The following YLPM1 variants were observed in gnomAD, a reference collection of about 807,000 sequenced individuals.
The protein encoded by YLPM1 is YLP motif containing 1.
A neutral mutation model predicts 230.0 loss-of-function variants in YLPM1; 99 were observed. The observed-to-expected ratio is 0.43, with a 90% CI of 0.37 to 0.51. The LOEUF is 0.51. Ranked by LOEUF, YLPM1 falls within the 20% of genes least tolerant of loss-of-function variation. The pLI, the probability that YLPM1 is intolerant of heterozygous loss-of-function variation, is 0.00. For synonymous variants in YLPM1, 984 were observed against 942.5 expected (o/e 1.04, Z -0.81); for missense variants, 2,592 against 2,707.7 (o/e 0.96, Z 0.95).
chr14:74,822,371 TTAGGTG>T (rs1211912629), intron 17 of YLPM1, among the ~76,000 whole-genome samples: 1 of 152,142 alleles, frequency 6.6e-6, no homozygotes, highest in Non-Finnish European at 1.5e-5. Context: ...TCTGACTTGC[TTAGGTG>T]TAGGTCAAAA....
In YLPM1 at chr14:74,799,475, G is replaced by C; in HGVS notation, c.4178G>C (p.Arg1393Thr). ...WREKRDYVPD[R>T]MDWERERLSD... ...GAAAAGCGAGATTATGTTCCTGACA[G>C]AATGGACTGGGAAAGAGAACGGTTG... Residue 1393 changes from arginine to threonine, a missense_variant, in exon 5 of 21, where the codon AGA becomes ACA. Physicochemically the swap from Arg to Thr is moderately conservative, Grantham distance 71. Around this residue, in one of 4 missense-constraint regions of YLPM1, gnomAD observed 1,862 missense variants for 1,819.8 expected, o/e 1.02. Transcript: ENST00000325680. The C allele has an allele frequency of 6.2e-7, 1 of 1,614,016 alleles. No homozygotes were observed. The highest frequency in any genetic ancestry group is 8.5e-7 in the Non-Finnish European group (1 of 1,179,890).
Position 74,782,014 on chromosome 14 carries a change from A to G in YLPM1, c.1971A>G (p.Ser657=), listed in dbSNP as rs1482014225. The G allele has an allele frequency of 1.2e-6, 2 of 1,613,776 alleles. No homozygotes were observed. The highest frequency in any genetic ancestry group is 1.1e-5 in the South Asian group (1 of 91,080). The change falls in exon 4 of 21, where the codon TCA becomes TCG. Residue 657 remains serine (S), a synonymous_variant. Coordinates refer to ENST00000325680, the MANE Select transcript of YLPM1 (RefSeq NM_019589.3). ...CCCCAGTTCCACCAGCCTCCAGTTC[A>G]CAGAGCTCGCAAGTTCCAGAGAAAC... The part of the protein sequence containing the change: ...TAAPVPPASS[S]QSSQVPEKPR...
chr14:74,764,265 C>G lies in YLPM1; in HGVS notation c.776C>G (p.Thr259Ser). The G allele has an allele frequency of 1.2e-6, 2 of 1,613,922 alleles. No homozygotes were observed. The highest frequency in any genetic ancestry group is 1.7e-6 in the Non-Finnish European group (2 of 1,179,882). ...PPSAPPGNKTTVQQEPLESGA... is the reference protein window; with the variant it reads ...PPSAPPGNKTSVQQEPLESGA... ...TCCGCCCCCCCTGGAAATAAGACAA[C>G]TGTCCAGCAAGAGCCTTTGGAGAGT... The change falls in exon 1 of 21, where the codon ACT (threonine) becomes AGT (serine). Residue 259 changes from threonine (T) to serine (S), a missense_variant. By Grantham distance (58) the Thr-to-Ser change is moderately conservative. This residue lies in a region of YLPM1 where 1,862 missense variants were observed against 1,819.8 expected (regional missense o/e 1.02). Coordinates refer to ENST00000325680, the MANE Select transcript of YLPM1 (RefSeq NM_019589.3).
chr14:74,766,492 A>G (rs1831225582), intron 1 of YLPM1, among the ~76,000 whole-genome samples: 1 of 152,018 alleles, frequency 6.6e-6, no homozygotes, highest in Non-Finnish European at 1.5e-5. Context: ...TGTTGCATAT[A>G]TATATATTGA....
chr14:74,764,377 G>T lies in YLPM1; in HGVS notation c.873+15G>T. 6.3e-7 allele frequency: 1 copy of T among 1,582,360 alleles called. No homozygotes were observed. The highest frequency in any genetic ancestry group is 8.6e-7 in the Non-Finnish European group (1 of 1,161,842). ...TGACTCCACAGGTAAGAAAGCATCT[G>T]CCTGAACCTCATCTTTCACCTAGAG... On this transcript the variant is annotated intron_variant, in intron 1 of 20. Transcript: ENST00000325680.
intron 11 of YLPM1, among the ~76,000 whole-genome samples, chr14:74,813,586 ATTGT>A (rs2091453463): frequency 6.6e-6 from 1 of 152,022 alleles, no homozygotes; most frequent in Admixed American, 6.6e-5. Context: ...TTTTGATTGG[ATTGT>A]TTAATACATT....
chr14:74,830,590 G>A (rs934379450), intron 19 of YLPM1, among the ~76,000 whole-genome samples: 10 of 152,130 alleles, frequency 6.6e-5, no homozygotes, highest in Non-Finnish European at 1.5e-4. Context: ...AAAGGAATAC[G>A]TGAGATTGGG....
chr14:74,817,862 C>G (rs1378048569), intron 15 of YLPM1, among the ~76,000 whole-genome samples: 1 of 151,794 alleles, frequency 6.6e-6, no homozygotes, highest in Non-Finnish European at 1.5e-5. Context: ...TGAGACCAAC[C>G]TGGGCAACAT....
intron 1 of YLPM1, among the ~76,000 whole-genome samples, chr14:74,773,921 G>T (rs1211299169): frequency 6.6e-6 from 1 of 151,692 alleles, no homozygotes. Flanking sequence ...AGGTTTCACC[G>T]TGTTGGCCAG....
At chr14:74,817,652 C>G (rs1294371715) in intron 15 of YLPM1, among the ~76,000 whole-genome samples, 1 of 152,158 alleles carries the variant, frequency 6.6e-6, no homozygotes, top group African/African-American at 2.4e-5. Context: ...TGTATCAGCA[C>G]TCTTGTCTGG....
At chr14:74,783,481 A>G (rs1020306929) in intron 4 of YLPM1, among the ~76,000 whole-genome samples, 4 of 152,214 alleles carry the variant, frequency 2.6e-5, no homozygotes, top group African/African-American at 9.7e-5. Flanking sequence ...AAAAGTGTAG[A>G]AAAAAGTGAA....
chr14:74,836,023 C>G lies in YLPM1; in HGVS notation c.*285C>G. On this transcript the variant is annotated 3_prime_UTR_variant, in exon 21 of 21. Transcript: ENST00000325680. ...CCAGGCGGGGGTCTGCTGGAGGATT[C>G]CAACAGAGAGTATTTCCTCCACTGT... is the stretch of plus-strand genomic sequence containing the variant. 2 of 393,258 alleles carry G rather than the reference C, an allele frequency of 5.1e-6. No homozygotes were observed. Among genetic ancestry groups the G allele is most frequent in the Admixed American group, 6.4e-5 (2 of 31,198 alleles). 24.4% of individuals were successfully genotyped at this position (393,258 alleles called of 1,614,324 possible). A position where few individuals can be genotyped will look rare whatever the true frequency, so the allele number is the denominator to read the frequency against.
rs139034287 is a variant in YLPM1, at chr14:74,776,682, A to T, written c.874-1765A>T. Among the ~76,000 whole-genome samples the T allele has an allele frequency of 2.4e-4, 37 of 152,328 alleles. No individual in the cohort carries two copies. The East Asian group carries it at 6.9e-3, about 29-fold the overall frequency. ...CTTCATCTCGGCTGGGAATGCACAC[A>T]TGAGTCAGGGGACTCATGTTTTTCA... On this transcript the variant is annotated intron_variant, in intron 1 of 20. Transcript: ENST00000325680.
At chr14:74,817,340 A>C in intron 15 of YLPM1, 63 bp downstream of exon 15, 1 of 1,433,592 alleles carries the variant, frequency 7.0e-7, no homozygotes, top group Non-Finnish European at 9.5e-7. Context: ...TGTTTTGGTT[A>C]AGGAAGGACT....
intron 6 of YLPM1, among the ~76,000 whole-genome samples, chr14:74,805,095 C>G (rs1465966344): frequency 1.3e-5 from 2 of 151,302 alleles, no homozygotes; most frequent in African/African-American, 2.4e-5. Flanking sequence ...TTTCAGCTCA[C>G]CGAAACCTCC....
In YLPM1 at chr14:74,810,394, C is replaced by G; in HGVS notation, c.5202C>G (p.Asp1734Glu). The G allele has an allele frequency of 6.4e-7, 1 of 1,568,030 alleles. No homozygotes were observed. The highest frequency in any genetic ancestry group is 8.7e-7 in the Non-Finnish European group (1 of 1,153,818). ...TTGACTATGACCGGGATCGATTTGA[C>G]AGAGAACGCCGACCCCGAGATGATA... is the stretch of plus-strand genomic sequence containing the variant. Reference protein sequence around the residue: ...GVIDYDRDRFDRERRPRDDRA... With the variant: ...GVIDYDRDRFERERRPRDDRA... Residue 1734 changes from aspartate (D) to glutamate (E), a missense_variant, in exon 9 of 21, where the codon GAC becomes GAG. Asp to Glu is a conservative substitution (Grantham distance 45). This residue lies in a region of YLPM1 where 403 missense variants were observed against 426.7 expected (regional missense o/e 0.94). Coordinates refer to ENST00000325680, the MANE Select transcript of YLPM1 (RefSeq NM_019589.3).
intron 4 of YLPM1, among the ~76,000 whole-genome samples, chr14:74,792,140 C>T (rs1280902792): frequency 1.3e-5 from 2 of 151,988 alleles, no homozygotes; most frequent in East Asian, 3.8e-4. Context: ...TTTTTTCCTT[C>T]TGTAAATATA....
Position 74,763,366 on chromosome 14 carries a change from G to A in YLPM1, c.-124G>A. ...GAGCGCCGGCGCACTGGCGCGCTCC[G>A]TTTACACGCTCCGGGGCCTGTAGGC... On this transcript the variant is annotated 5_prime_UTR_variant, in exon 1 of 21. Coordinates refer to ENST00000325680, the MANE Select transcript of YLPM1 (RefSeq NM_019589.3). 1 of 1,236,666 alleles carries A rather than the reference G, an allele frequency of 8.1e-7. No homozygotes were observed. The highest frequency in any genetic ancestry group is 1.0e-6 in the Non-Finnish European group (1 of 955,236). 76.6% of individuals were successfully genotyped at this position (1,236,666 alleles called of 1,614,324 possible). A position where few individuals can be genotyped will look rare whatever the true frequency, so the allele number is the denominator to read the frequency against.
chr14:74,787,158 A>G (rs1030968027), intron 4 of YLPM1, among the ~76,000 whole-genome samples: 1 of 152,132 alleles, frequency 6.6e-6, no homozygotes, highest in African/African-American at 2.4e-5. Context: ...TTTATGTCTT[A>G]CTGATTTTGT....
Sources: allele counts gnomAD v4.1 joint callset (sites outside exome capture counted in the v4.1 genomes callset), GRCh38; gene constraint gnomAD v4.1.1; regional missense constraint gnomAD v4.1.1; transcripts MANE v1.5; gene names NCBI Gene and HGNC (gene_info 2026-07-23, HGNC 2026-07-21).